ZC2HC1A: variants seen among roughly 807,000 people sequenced by gnomAD.
The protein encoded by ZC2HC1A is zinc finger C2HC domain-containing protein 1A.
Under a neutral mutation model 40.7 loss-of-function variants are expected in ZC2HC1A, and 28 were observed. The ratio of observed to expected loss-of-function variants is 0.69; its 90% confidence interval spans 0.51 to 0.94. The LOEUF is 0.94. ZC2HC1A is among the 40% of genes least tolerant of loss of function. The pLI is 0.00. For missense variants in ZC2HC1A, 389 were observed against 386.3 expected (o/e 1.01, Z -0.06); for synonymous variants, 129 against 129.2 (o/e 1.00, Z 0.01).
At chr8:78,708,038 T>A (rs1436655514) in intron 7 of ZC2HC1A, among the ~76,000 whole-genome samples, 2 of 152,184 alleles carry the variant, frequency 1.3e-5, no homozygotes, top group Non-Finnish European at 2.9e-5. Flanking sequence ...CCCTCATCTG[T>A]TAATCTATTG....
chr8:78,684,245 A>G (rs1332527789), intron 3 of ZC2HC1A, among the ~76,000 whole-genome samples: 3 of 152,246 alleles, frequency 2.0e-5, no homozygotes, highest in East Asian at 1.9e-4. Flanking sequence ...TAGGCAATTT[A>G]TAAAGAAAAA....
chr8:78,683,448 G>T (rs1173885965), intron 3 of ZC2HC1A, among the ~76,000 whole-genome samples: 3 of 152,222 alleles, frequency 2.0e-5, no homozygotes, highest in Admixed American at 2.0e-4. Context: ...CTTTGGGCTT[G>T]CACCTCTGAA....
chr8:78,716,535 A>C (rs1811111029), intron 8 of ZC2HC1A, among the ~76,000 whole-genome samples: 1 of 152,206 alleles, frequency 6.6e-6, no homozygotes, highest in South Asian at 2.1e-4. Context: ...ACTAAAATAA[A>C]TACTAGAAGC....
chr8:78,703,013 C>A (rs906020363), intron 7 of ZC2HC1A, among the ~76,000 whole-genome samples: 1 of 152,130 alleles, frequency 6.6e-6, no homozygotes, highest in Admixed American at 6.5e-5. Context: ...TCTCCTGCCT[C>A]AGCCTCTCGA....
intron 5 of ZC2HC1A, among the ~76,000 whole-genome samples, chr8:78,691,449 T>C (rs903609825): frequency 2.0e-5 from 3 of 152,138 alleles, no homozygotes; most frequent in African/African-American, 7.2e-5. Flanking sequence ...TGCTCACTTC[T>C]TTTCTCTCTA....
chr8:78,689,276 G>A lies in ZC2HC1A; in HGVS notation c.407G>A (p.Arg136Lys). The A allele has an allele frequency of 6.3e-7, 1 of 1,599,404 alleles. No homozygotes were observed. The highest frequency in any genetic ancestry group is 8.5e-7 in the Non-Finnish European group (1 of 1,172,560). The change falls in exon 5 of 9, where the codon AGA becomes AAA. Residue 136 changes from arginine to lysine, a missense_variant. Coordinates refer to ENST00000263849, the MANE Select transcript of ZC2HC1A (RefSeq NM_016010.3). ...QRRFNENAAD[R>K]HINFCKEQAA... is the part of the protein sequence containing the mutation. Reference sequence around the variant, plus strand: ...AGATTCAATGAAAATGCAGCTGATAGACATATAAATTTCTGTAAAGAACAG... The same window carrying A: ...AGATTCAATGAAAATGCAGCTGATAAACATATAAATTTCTGTAAAGAACAG...
chr8:78,699,068 G>GA (rs1170501540), intron 7 of ZC2HC1A, among the ~76,000 whole-genome samples: 21 of 152,138 alleles, frequency 1.4e-4, no homozygotes, highest in African/African-American at 4.8e-4. Context: ...AGTAAATTAT[G>GA]AAAATCTATA....
intron 1 of ZC2HC1A, among the ~76,000 whole-genome samples, chr8:78,667,606 A>G (rs1352860629): frequency 6.6e-6 from 1 of 152,126 alleles, no homozygotes; most frequent in Non-Finnish European, 1.5e-5. Context: ...TATCCTAGGC[A>G]CCTAAAACAA....
intron 7 of ZC2HC1A, among the ~76,000 whole-genome samples, chr8:78,712,560 TC>T (rs1810983642): frequency 6.6e-6 from 1 of 152,274 alleles, no homozygotes; most frequent in Admixed American, 6.5e-5. Flanking sequence ...AAACTTTCAA[TC>T]CAAGGGTCCT....
Position 78,697,401 on chromosome 8 carries a change from T to C in ZC2HC1A, c.505-6T>C. ...GTTGATTAATATTTTTTTTCCATTA[T>C]TTTAGTATAAGCCACCCGCACTTAA... On this transcript the variant is annotated splice_region_variant and splice_polypyrimidine_tract_variant and intron_variant, in intron 5 of 8. Transcript: ENST00000263849. The C allele has an allele frequency of 1.3e-6, 2 of 1,581,252 alleles. No individual in the cohort carries two copies. The highest frequency in any genetic ancestry group is 1.7e-6 in the Non-Finnish European group (2 of 1,168,114).
chr8:78,686,334 G>T, intron 3 of ZC2HC1A, 133 bp from the exon 4 acceptor site: 1 of 750,072 alleles, frequency 1.3e-6, no homozygotes, highest in Non-Finnish European at 1.8e-6. Flanking sequence ...TTATAAATTT[G>T]AGAAGGATAT....
At chr8:78,666,266 GCGGACCT>G in intron 1 of ZC2HC1A, 102 bp downstream of exon 1, 1 of 1,519,792 alleles carries the variant, frequency 6.6e-7, no homozygotes, top group Non-Finnish European at 8.9e-7. Flanking sequence ...GTTCGGTGCG[GCGGACCT>G]CGCCGCGTCC....
At chr8:78,708,720 G>A (rs1448400774) in intron 7 of ZC2HC1A, among the ~76,000 whole-genome samples, 1 of 121,440 alleles carries the variant, frequency 8.2e-6, no homozygotes, top group Non-Finnish European at 1.7e-5. Context: ...TGCTCTTGTT[G>A]CCCAGGCTGG....
chr8:78,694,304 T>TTCCTTCCTTC (rs1810326379), intron 5 of ZC2HC1A, among the ~76,000 whole-genome samples: 1 of 151,762 alleles, frequency 6.6e-6, no homozygotes, highest in Non-Finnish European at 1.5e-5. Flanking sequence ...TTTTTTCTCA[T>TTCCTTCCTTC]TCAGTTTCCT....
At chr8:78,668,498 T>C (rs1161668452) in intron 1 of ZC2HC1A, among the ~76,000 whole-genome samples, 2 of 152,180 alleles carry the variant, frequency 1.3e-5, no homozygotes, top group Non-Finnish European at 2.9e-5. Flanking sequence ...ATATGGACTC[T>C]TGAAAATTTC....
At chr8:78,671,489 A>T (rs145685066) in intron 1 of ZC2HC1A, among the ~76,000 whole-genome samples, 1 of 152,146 alleles carries the variant, frequency 6.6e-6, no homozygotes, top group African/African-American at 2.4e-5. Flanking sequence ...AAAATTTGCT[A>T]GTTTTTGCCA....
chr8:78,673,968 A>T (rs1809502529), intron 1 of ZC2HC1A, among the ~76,000 whole-genome samples: 1 of 152,146 alleles, frequency 6.6e-6, no homozygotes, highest in South Asian at 2.1e-4. Context: ...TTTTTAAAAA[A>T]ACATTTTAAA....
chr8:78,667,335 A>T (rs937297050), intron 1 of ZC2HC1A, among the ~76,000 whole-genome samples: 2 of 152,048 alleles, frequency 1.3e-5, no homozygotes, highest in African/African-American at 4.8e-5. Context: ...TTTTTTGCTT[A>T]TGTGTTTTTG....
At chr8:78,681,620 C>A (rs1450238380) in intron 3 of ZC2HC1A, among the ~76,000 whole-genome samples, 1 of 151,994 alleles carries the variant, frequency 6.6e-6, no homozygotes, top group Non-Finnish European at 1.5e-5. Context: ...AATATTGATG[C>A]TAGATTTTTC....
Sources: allele counts gnomAD v4.1 joint callset (sites outside exome capture counted in the v4.1 genomes callset), GRCh38; gene constraint gnomAD v4.1.1; transcripts MANE v1.5; gene names NCBI Gene and HGNC (gene_info 2026-07-23, HGNC 2026-07-21).